Variants in CDH13 observed in about 807,000 individuals in gnomAD.
CDH13 encodes the protein cadherin 13.
A neutral mutation model predicts 63.8 loss-of-function variants in CDH13; 24 were observed. That is an observed-to-expected ratio of 0.38 (90% CI 0.27 to 0.53). The LOEUF (loss-of-function observed/expected upper bound fraction) is 0.53, where lower values mean the gene tolerates loss of function less well. Among genes scored for constraint, CDH13 ranks in the 20% least tolerant of loss-of-function variants. The pLI, the probability that CDH13 is intolerant of heterozygous loss-of-function variation, is 0.85. For missense variants in CDH13, 1,049 were observed against 903.1 expected (o/e 1.16, Z -2.07); for synonymous variants, 503 against 355.3 (o/e 1.42, Z -4.67).
chr16:83,603,038 A>C (rs969258081), intron 8 of CDH13, among the ~76,000 whole-genome samples: 3 of 152,212 alleles, frequency 2.0e-5, no homozygotes, highest in Non-Finnish European at 4.4e-5. Flanking sequence ...GGAGCTTATA[A>C]ATAACAACAA....
At chr16:82,818,535 C>G (rs1016606129) in intron 1 of CDH13, among the ~76,000 whole-genome samples, 1 of 152,150 alleles carries the variant, frequency 6.6e-6, no homozygotes, top group Non-Finnish European at 1.5e-5. Context: ...TTTGAGGAAT[C>G]TCTTGAAGGA....
At chr16:83,015,482 G>A (rs1914666144) in intron 2 of CDH13, among the ~76,000 whole-genome samples, 1 of 151,094 alleles carries the variant, frequency 6.6e-6, no homozygotes, top group Non-Finnish European at 1.5e-5. Flanking sequence ...TAGTATTCCT[G>A]GTGATAGTAT....
Position 83,395,449 on chromosome 16 carries a change from G to A in CDH13, c.781+50443G>A, listed in dbSNP as rs1177007613. On this transcript the variant is annotated intron_variant, in intron 6 of 13. Coordinates refer to ENST00000567109, the MANE Select transcript of CDH13 (RefSeq NM_001257.5). ...TCCATCAGTGATGTCTGGAAGGTTTGATACCAAGAAGTTACCTCCTTTCAA... is the reference window on the plus strand; with the variant it reads ...TCCATCAGTGATGTCTGGAAGGTTTAATACCAAGAAGTTACCTCCTTTCAA... Among the ~76,000 whole-genome samples the A allele has an allele frequency of 2.0e-5, 3 of 152,108 alleles. No individual in the cohort carries two copies. In the East Asian group the frequency reaches 5.8e-4, roughly 29 times the overall value.
chr16:82,859,753 C>T (rs1376794271), intron 2 of CDH13: 13 of 149,352 alleles, frequency 8.7e-5, no homozygotes, highest in Admixed American at 6.7e-4. Context: ...AAAAAAAGCA[C>T]ACTTGACTGG....
chr16:83,372,724 C>A (rs1298631985), intron 6 of CDH13, among the ~76,000 whole-genome samples: 1 of 145,262 alleles, frequency 6.9e-6, no homozygotes, highest in African/African-American at 2.6e-5. Context: ...TGCACTCCAG[C>A]CTGGTGACAG....
At chr16:82,706,736 G>T (rs534398370) in intron 1 of CDH13, among the ~76,000 whole-genome samples, 2 of 151,910 alleles carry the variant, frequency 1.3e-5, no homozygotes, top group African/African-American at 4.8e-5. Context: ...CCCAGGAGAC[G>T]GAGGTTGCGG....
At chr16:82,814,613 A>G (rs182695209) in intron 1 of CDH13, among the ~76,000 whole-genome samples, 2 of 152,240 alleles carry the variant, frequency 1.3e-5, no homozygotes, top group Admixed American at 1.3e-4. Context: ...ACCTTTCCCT[A>G]TGCATCTCTT....
rs77915869 is a variant in CDH13, at chr16:83,025,734, C to A, written c.158-6276C>A. ...CTTAAAACTTCCCTTTCTTGGGGCA[C>A]GGAAATAACAGTTGCTGGCATGCCA... On this transcript the variant is annotated intron_variant, in intron 2 of 13. Coordinates refer to ENST00000567109, the MANE Select transcript of CDH13 (RefSeq NM_001257.5). 5.3e-4 allele frequency among the ~76,000 whole-genome samples: 81 copies of A among 152,208 alleles called. 1 individual carries two copies. The East Asian group carries it at 0.016, about 29-fold the overall frequency.
At chr16:83,146,777 A>G (rs2151686577) in intron 4 of CDH13, among the ~76,000 whole-genome samples, 1 of 152,318 alleles carries the variant, frequency 6.6e-6, no homozygotes, top group Middle Eastern at 3.4e-3. Flanking sequence ...GGTATGTTCA[A>G]AGTATTATTT....
intron 7 of CDH13, among the ~76,000 whole-genome samples, chr16:83,529,129 C>T (rs1480273161): frequency 2.0e-5 from 3 of 148,280 alleles, no homozygotes; most frequent in South Asian, 2.1e-4. Context: ...TAGATCTAGG[C>T]GAGCTTGCTT....
rs866025964 is a variant in CDH13 at position 83,102,404 on chromosome 16, C to T, written c.367-22981C>T. Among the ~76,000 whole-genome samples the T allele has an allele frequency of 3.9e-5, 6 of 152,326 alleles. 1 individual carries two copies. In the Middle Eastern group the frequency reaches 0.014, roughly 345 times the overall value. On this transcript the variant is annotated intron_variant, in intron 3 of 13. Transcript: ENST00000567109. The stretch of plus-strand genomic sequence containing the variant: ...GCAGGGAGACCAGCAAATCTGCAGG[C>T]TCTGAAGTGGGGGTGGGTCTGGTGT...
At chr16:83,483,642 A>G (rs529967410) in intron 6 of CDH13, among the ~76,000 whole-genome samples, 2 of 152,248 alleles carry the variant, frequency 1.3e-5, no homozygotes, top group South Asian at 4.2e-4. Flanking sequence ...GGTCAAGTGT[A>G]CTTAACTGGA....
intron 4 of CDH13, among the ~76,000 whole-genome samples, chr16:83,159,552 C>T (rs951213255): frequency 1.3e-5 from 2 of 152,102 alleles, no homozygotes; most frequent in Admixed American, 6.6e-5. Context: ...ATGCCTAAAC[C>T]TCTCCTCTGA....
intron 5 of CDH13, among the ~76,000 whole-genome samples, chr16:83,333,270 A>G (rs1226954167): frequency 3.9e-5 from 6 of 152,212 alleles, no homozygotes; most frequent in African/African-American, 7.2e-5. Flanking sequence ...AACCTGGATT[A>G]CGGTAATAGA....
chr16:83,060,879 C>G (rs753124020), intron 3 of CDH13, among the ~76,000 whole-genome samples: 1 of 152,316 alleles, frequency 6.6e-6, no homozygotes, highest in Admixed American at 6.5e-5. Flanking sequence ...CTTAAACAAC[C>G]TATTCCAACT....
chr16:83,411,384 C>T (rs1032750702), intron 6 of CDH13, among the ~76,000 whole-genome samples: 1 of 152,176 alleles, frequency 6.6e-6, no homozygotes, highest in Non-Finnish European at 1.5e-5. Flanking sequence ...CAATGTATAT[C>T]ACCGTTGTGT....
chr16:82,821,255 G>A (rs902982251), intron 1 of CDH13, among the ~76,000 whole-genome samples: 4 of 152,072 alleles, frequency 2.6e-5, no homozygotes, highest in African/African-American at 9.7e-5. Context: ...ATTCTGAGGG[G>A]GAATTTGGAA....
At chr16:82,696,486 G>T (rs944030310) in intron 1 of CDH13, among the ~76,000 whole-genome samples, 1 of 152,222 alleles carries the variant, frequency 6.6e-6, no homozygotes, top group Non-Finnish European at 1.5e-5. Flanking sequence ...ATGAATGACA[G>T]CTTTGCAGTT....
At chr16:83,325,433 A>G (rs1356194553) in intron 5 of CDH13, among the ~76,000 whole-genome samples, 3 of 152,124 alleles carry the variant, frequency 2.0e-5, no homozygotes, top group Non-Finnish European at 2.9e-5. Context: ...AATATAGCAT[A>G]TGGGTTGGAA....
Sources: gnomAD v4.1 joint callset for allele counts (sites outside exome capture counted in the v4.1 genomes callset) on GRCh38, gnomAD v4.1.1 for gene constraint, MANE v1.5 for transcripts, NCBI Gene and HGNC (gene_info 2026-07-23, HGNC 2026-07-21) for gene names.